The following SLC2A1 variants were observed in gnomAD, a reference collection of about 807,000 sequenced individuals.
SLC2A1 encodes solute carrier family 2, facilitated glucose transporter member 1.
SLC2A1 carries 4 observed loss-of-function variants against 46.6 expected under a neutral mutation model. The observed-to-expected ratio is 0.09, with a 90% CI of 0.04 to 0.20. The LOEUF is 0.20. Among genes scored for constraint, SLC2A1 ranks in the 10% least tolerant of loss-of-function variants. SLC2A1 has a pLI of 1.00. For synonymous variants in SLC2A1, 253 were observed against 270.0 expected, an observed-to-expected ratio of 0.94 and a Z score of 0.62; for missense variants, 352 against 667.0, an observed-to-expected ratio of 0.53 and a Z score of 5.20.
intron 2 of SLC2A1, among the ~76,000 whole-genome samples, chr1:42,938,202 C>G (rs535447610): frequency 6.5e-4 from 95 of 145,590 alleles, no homozygotes; most frequent in Non-Finnish European, 1.3e-3. Flanking sequence ...CATTTAGCTG[C>G]TCCCTCTGTG....
In SLC2A1 at chr1:42,958,646, C is replaced by A. The variant is rs1271529267; in HGVS notation, c.6G>T (p.Glu2Asp). M[E>D]PSSKKLTGRL... ...GCGCGCGACTCACCTTGCTGCTGGG[C>A]TCCATGGCAGCGCTGCGCTGGTGGC... Residue 2 changes from glutamate to aspartate, a missense_variant, in exon 1 of 10, where the codon GAG becomes GAT. Physicochemically the swap from Glu to Asp is conservative, Grantham distance 45. Transcript: ENST00000426263. The A allele has an allele frequency of 6.5e-7, 1 of 1,533,798 alleles. No individual in the cohort carries two copies.
Position 42,927,044 on chromosome 1 carries a change from C to T in SLC2A1, c.1476G>A (p.Val492=). The T allele has an allele frequency of 6.2e-7, 1 of 1,613,642 alleles. No individual in the cohort carries two copies. Among genetic ancestry groups the T allele is most frequent in the Non-Finnish European group, 8.5e-7 (1 of 1,179,568 alleles). Residue 492 remains valine, a synonymous_variant, in exon 10 of 10, where the codon GTG becomes GTA. Transcript: ENST00000426263. This position sits in a 1 kb window ranked among gnomAD's most constrained non-coding sequence, Gnocchi z 5.3. ...CGGGCTGGTGATCTGGGGCGACTCA[C>T]ACTTGGGAATCAGCCCCCAGGGGAT... is the stretch of plus-strand genomic sequence containing the variant. The part of the protein sequence containing the change: ...LFHPLGADSQ[V]
chr1:42,931,331 T>G (rs1261051631), intron 2 of SLC2A1, 125 bp from the exon 3 acceptor site: 10 of 942,482 alleles, frequency 1.1e-5, no homozygotes, highest in African/African-American at 1.7e-5. Context: ...ATTCACTGCA[T>G]GTTCTTGAGC....
rs575867428 is a variant in SLC2A1, at chr1:42,925,744, T to C, written c.*1297A>G. On this transcript the variant is annotated 3_prime_UTR_variant, in exon 10 of 10. Transcript: ENST00000426263. Reference sequence around the variant, plus strand: ...GAGGTGGGTGGAGTTAATGGAGTAGTGGTTGTATGGTACCATTGTTAAAAG... The same window carrying C: ...GAGGTGGGTGGAGTTAATGGAGTAGCGGTTGTATGGTACCATTGTTAAAAG... 6.6e-5 allele frequency: 10 copies of C among 152,104 alleles called. No individual in the cohort carries two copies. Among genetic ancestry groups the C allele is most frequent in the Non-Finnish European group, 1.5e-4 (10 of 68,012 alleles). 9.4% of individuals were successfully genotyped at this position (152,104 alleles called of 1,614,324 possible).
intron 1 of SLC2A1, among the ~76,000 whole-genome samples, chr1:42,953,259 G>A (rs867276228): frequency 6.6e-6 from 1 of 152,272 alleles, no homozygotes; most frequent in Non-Finnish European, 1.5e-5. Context: ...AGGAGATGCT[G>A]TCTTCTTTCT....
chr1:42,929,452 G>T lies in SLC2A1; in HGVS notation c.868-138C>A. 9.2e-7 allele frequency: 1 copy of T among 1,088,102 alleles called. No homozygotes were observed. Among genetic ancestry groups the T allele is most frequent in the Non-Finnish European group, 1.4e-6 (1 of 716,980 alleles). The allele number at this position is 1,088,102 out of a possible 1,614,324, so 67.4% of individuals were successfully genotyped here. ...CAGGCAGAAGGGACACTGCACTGCA[G>T]TGACCTTACGGGCTTGGGGTCTAAA... On this transcript the variant is annotated intron_variant, in intron 6 of 9. Transcript: ENST00000426263. The surrounding 1 kb of genome is among the most constrained non-coding windows in gnomAD (Gnocchi z 6.0).
At chr1:42,936,076 T>A (rs1342531833) in intron 2 of SLC2A1, among the ~76,000 whole-genome samples, 1 of 152,120 alleles carries the variant, frequency 6.6e-6, no homozygotes, top group Non-Finnish European at 1.5e-5. Flanking sequence ...AGGAGGGGTA[T>A]GCGTTTTGGA....
chr1:42,958,785 T>G lies in SLC2A1; in HGVS notation c.-134A>C. Reference sequence around the variant, plus strand: ...GCGACTCTGACTCCGACCCCCGTCGTTTGGTCTCCTGCTCCCTGGCGTGCT... The same window carrying G: ...GCGACTCTGACTCCGACCCCCGTCGGTTGGTCTCCTGCTCCCTGGCGTGCT... On this transcript the variant is annotated 5_prime_UTR_variant, in exon 1 of 10. Transcript: ENST00000426263. 1.1e-6 allele frequency: 1 copy of G among 913,394 alleles called. No homozygotes were observed. The highest frequency in any genetic ancestry group is 1.7e-6 in the Non-Finnish European group (1 of 601,916). 56.6% of individuals were successfully genotyped at this position (913,394 alleles called of 1,614,324 possible).
At chr1:42,933,322 C>T (rs759766916) in intron 2 of SLC2A1, among the ~76,000 whole-genome samples, 18 of 152,154 alleles carry the variant, frequency 1.2e-4, no homozygotes, top group Non-Finnish European at 2.2e-4. Context: ...CCATCTCCCA[C>T]CCCTCTACGC....
rs1643462528 is a variant in SLC2A1 at position 42,929,383 on chromosome 1, G to A, written c.868-69C>T. ...GCCCTTCCCTGCCTCTGTAGCAGTG[G>A]ATGTGGGACCCAGGATGAGTAAAGA... is the stretch of plus-strand genomic sequence containing the variant. On this transcript the variant is annotated intron_variant, in intron 6 of 9. Coordinates refer to ENST00000426263, the MANE Select transcript of SLC2A1 (RefSeq NM_006516.4). The surrounding 1 kb of genome is among the most constrained non-coding windows in gnomAD (Gnocchi z 6.0). 11 of 1,304,722 alleles carry A rather than the reference G, an allele frequency of 8.4e-6. No homozygotes were observed. The East Asian group carries it at 2.7e-4, about 32-fold the overall frequency. The allele number at this position is 1,304,722 out of a possible 1,614,324, so 80.8% of individuals were successfully genotyped here.
At chr1:42,935,020 C>A (rs1031321204) in intron 2 of SLC2A1, among the ~76,000 whole-genome samples, 1 of 152,168 alleles carries the variant, frequency 6.6e-6, no homozygotes, top group Non-Finnish European at 1.5e-5. Flanking sequence ...GCCATCCACC[C>A]GCTTCTCTGC....
intron 1 of SLC2A1, among the ~76,000 whole-genome samples, chr1:42,953,446 C>T (rs913263155): frequency 3.9e-5 from 6 of 152,244 alleles, no homozygotes; most frequent in African/African-American, 1.4e-4. Flanking sequence ...GGCCTGCAGG[C>T]CTGGACACAG....
At chr1:42,937,965 C>A (rs1227915628) in intron 2 of SLC2A1, among the ~76,000 whole-genome samples, 1 of 152,220 alleles carries the variant, frequency 6.6e-6, no homozygotes. Context: ...CCAGGTTCCT[C>A]CTTTGTCAAA....
Position 42,936,958 on chromosome 1 carries a change from A to C in SLC2A1, c.115-5752T>G, listed in dbSNP as rs1301790814. Among the ~76,000 whole-genome samples, 3 of 152,174 alleles carry C rather than the reference A, an allele frequency of 2.0e-5. No individual in the cohort carries two copies. The East Asian group carries it at 5.8e-4, about 29-fold the overall frequency. On this transcript the variant is annotated intron_variant, in intron 2 of 9. Coordinates refer to ENST00000426263, the MANE Select transcript of SLC2A1 (RefSeq NM_006516.4). Reference sequence around the variant, plus strand: ...CCATAGGACATCTGCCAATGCCCAGAGACATTTTTGGTTGCCACACTGGCT... The same window carrying C: ...CCATAGGACATCTGCCAATGCCCAGCGACATTTTTGGTTGCCACACTGGCT...
chr1:42,958,347 G>C (rs890055397), intron 1 of SLC2A1, among the ~76,000 whole-genome samples: 1 of 151,018 alleles, frequency 6.6e-6, no homozygotes, highest in African/African-American at 2.4e-5. Context: ...CAGCAGGGCC[G>C]CGTGGACGGC....
In SLC2A1 at chr1:42,929,203, G is replaced by C. The variant is rs1553155998; in HGVS notation, c.972+7C>G. On this transcript the variant is annotated splice_region_variant and intron_variant, in intron 7 of 9. Coordinates refer to ENST00000426263, the MANE Select transcript of SLC2A1 (RefSeq NM_006516.4). The surrounding 1 kb of genome is among the most constrained non-coding windows in gnomAD (Gnocchi z 6.0). ...TTGGCTGGGGGGGCCAGTAAGCAAA[G>C]ACTCACCGACACGACAGTGAAGGCC... 1 of 1,610,876 alleles carries C rather than the reference G, an allele frequency of 6.2e-7. No individual in the cohort carries two copies. Among genetic ancestry groups the C allele is most frequent in the African/African-American group, 1.3e-5 (1 of 75,002 alleles).
At chr1:42,955,323 G>A (rs1477411066) in intron 1 of SLC2A1, among the ~76,000 whole-genome samples, 1 of 152,198 alleles carries the variant, frequency 6.6e-6, no homozygotes, top group Non-Finnish European at 1.5e-5. Flanking sequence ...AAACATCTAT[G>A]TTTGGCCGGG....
rs1403171179 is a variant in SLC2A1, at chr1:42,950,651, C to T, written c.19-7330G>A. On this transcript the variant is annotated intron_variant, in intron 1 of 9. Coordinates refer to ENST00000426263, the MANE Select transcript of SLC2A1 (RefSeq NM_006516.4). ...ACTCTCAGCAGACACATTTAAGTCC[C>T]AGCTCCTCCACTTGTGTGACCTTAA... 2.0e-5 allele frequency among the ~76,000 whole-genome samples: 3 copies of T among 152,160 alleles called. No individual in the cohort carries two copies. The East Asian group carries it at 5.8e-4, about 29-fold the overall frequency.
Position 42,926,947 on chromosome 1 carries a change from ATC to A in SLC2A1, c.*92_*93del, listed in dbSNP as rs1643432746. On this transcript the variant is annotated 3_prime_UTR_variant, in exon 10 of 10. Transcript: ENST00000426263. ...GAGCCCCAGGCCCGGCTCGGCTGAC[ATC>A]TGTCAGGTTTGGAAGTCTCATCCAG... 1.3e-6 allele frequency: 2 copies of A among 1,558,522 alleles called. No individual in the cohort carries two copies. The highest frequency in any genetic ancestry group is 2.4e-5 in the South Asian group (2 of 82,658).
Sources: allele counts gnomAD v4.1 joint callset (sites outside exome capture counted in the v4.1 genomes callset), GRCh38; gene constraint gnomAD v4.1.1; non-coding constraint Gnocchi (gnomAD v3.1); transcripts MANE v1.5; gene names NCBI Gene and HGNC (gene_info 2026-07-23, HGNC 2026-07-21).